The following TACC2 variants were observed in gnomAD, a reference collection of about 807,000 sequenced individuals.
TACC2 encodes the protein transforming acidic coiled-coil containing protein 2, also known as transforming acidic coiled-coil-containing protein 2.
A neutral mutation model predicts 227.3 loss-of-function variants in TACC2; 137 were observed. The ratio of observed to expected loss-of-function variants is 0.60; its 90% CI spans 0.52 to 0.69. The LOEUF is 0.69. Among genes scored for constraint, TACC2 ranks in the 30% least tolerant of loss-of-function variants. TACC2 has a pLI of 0.00. For missense variants in TACC2, 3,470 were observed against 3,694.4 expected (o/e 0.94, Z 1.57); for synonymous variants, 1,523 against 1,487.5 (o/e 1.02, Z -0.55).
intron 19 of TACC2, among the ~76,000 whole-genome samples, chr10:122,246,024 G>A (rs1029566064): frequency 1.3e-5 from 2 of 152,064 alleles, no homozygotes; most frequent in Non-Finnish European, 2.9e-5. Context: ...TGCTGGTGGT[G>A]AGCGCTCTAG....
intron 7 of TACC2, among the ~76,000 whole-genome samples, chr10:122,193,901 G>C (rs549564406): frequency 1.3e-5 from 2 of 152,182 alleles, no homozygotes; most frequent in Admixed American, 6.5e-5. Flanking sequence ...AGGGCTGTCT[G>C]TTGGTTCTTC....
At chr10:122,144,259 A>G (rs2091078915) in intron 7 of TACC2, among the ~76,000 whole-genome samples, 1 of 151,870 alleles carries the variant, frequency 6.6e-6, no homozygotes, top group Admixed American at 6.5e-5. Flanking sequence ...CTCAAAATCT[A>G]CTGATTTCAA....
intron 2 of TACC2, among the ~76,000 whole-genome samples, chr10:122,043,946 A>G (rs1049419546): frequency 1.3e-5 from 2 of 152,194 alleles, no homozygotes; most frequent in Non-Finnish European, 2.9e-5. Flanking sequence ...GAGCTCCCAT[A>G]TAGATGCTTC....
At chr10:122,018,559 C>A (rs1015759876) in intron 1 of TACC2, among the ~76,000 whole-genome samples, 1 of 152,146 alleles carries the variant, frequency 6.6e-6, no homozygotes. Context: ...CTTCCCCCAG[C>A]CCCTGACAAC....
At chr10:122,248,599 G>A in intron 19 of TACC2, 44 bp from the exon 20 acceptor site, 1 of 1,610,698 alleles carries the variant, frequency 6.2e-7, no homozygotes, top group East Asian at 2.2e-5. Flanking sequence ...ACCCAGTTTG[G>A]ACTTTCTGGG....
intron 5 of TACC2, among the ~76,000 whole-genome samples, chr10:122,108,462 T>C (rs1161643562): frequency 3.9e-3 from 459 of 118,422 alleles, no homozygotes; most frequent in African/African-American, 0.01. Flanking sequence ...TTTTTTTTTT[T>C]GAGATGGAGT....
chr10:122,230,293 C>T (rs2095711510), intron 15 of TACC2, 58 bp from the exon 16 acceptor site: 2 of 1,424,284 alleles, frequency 1.4e-6, no homozygotes, highest in Non-Finnish European at 2.0e-6. Flanking sequence ...GATGTGGAAA[C>T]CATTGACGTC....
rs201773248 is a variant in TACC2 at position 122,087,019 on chromosome 10, C to G, written c.4519C>G (p.Arg1507Gly). 1.9e-6 allele frequency: 3 copies of G among 1,613,866 alleles called. No homozygotes were observed. The highest frequency in any genetic ancestry group is 2.7e-5 in the African/African-American group (2 of 75,054). ...GGGTCCAGCAGGGCTGACCTGGGAG[C>G]GGAACTTGCCAGGTGCCGGTGTGGG... ...LLGPAGLTWE[R>G]NLPGAGVGKE... The change falls in exon 4 of 23, where the codon CGG becomes GGG. Residue 1507 changes from arginine to glycine, a missense_variant. Transcript: ENST00000369005.
chr10:122,168,222 C>T (rs577277936), intron 7 of TACC2, among the ~76,000 whole-genome samples: 2 of 152,114 alleles, frequency 1.3e-5, no homozygotes, highest in African/African-American at 4.8e-5. Context: ...TTTTTCAAGG[C>T]TTTGTTTCTT....
rs1173681722 is a variant in TACC2 at position 122,050,462 on chromosome 10, A to G, written c.58A>G (p.Arg20Gly). 4 of 1,613,984 alleles carry G rather than the reference A, an allele frequency of 2.5e-6. No individual in the cohort carries two copies. Among genetic ancestry groups the G allele is most frequent in the South Asian group, 2.2e-5 (2 of 91,056 alleles). Residue 20 changes from arginine (R) to glycine (G), a missense_variant, in exon 3 of 23, where the codon AGG becomes GGG. Transcript: ENST00000369005. The surrounding 1 kb of genome is among the most constrained non-coding windows in gnomAD (Gnocchi z 4.6). ...GAGGACTTTATCAGCTCAGACTCCAAGGTCCGCGCAGCCACCCGGGAACAG... is the reference window on the plus strand; with the variant it reads ...GAGGACTTTATCAGCTCAGACTCCAGGGTCCGCGCAGCCACCCGGGAACAG... Reference protein sequence around the residue: ...NQRTLSAQTPRSAQPPGNSQN... With the variant: ...NQRTLSAQTPGSAQPPGNSQN...
intron 7 of TACC2, among the ~76,000 whole-genome samples, chr10:122,186,806 C>A (rs1401385570): frequency 2.0e-5 from 3 of 152,216 alleles, no homozygotes; most frequent in Admixed American, 1.3e-4. Flanking sequence ...TGACACCGCC[C>A]CCGGCCAAAC....
chr10:122,009,909 A>G (rs1350761239), intron 1 of TACC2, among the ~76,000 whole-genome samples: 1 of 152,174 alleles, frequency 6.6e-6, no homozygotes, highest in African/African-American at 2.4e-5. Context: ...CTGGTGACAG[A>G]GTGAGACTCT....
intron 6 of TACC2, 56 bp from the exon 7 acceptor site, chr10:122,143,516 A>G: frequency 6.3e-7 from 1 of 1,581,052 alleles, no homozygotes; most frequent in Middle Eastern, 1.8e-4. Flanking sequence ...GGCCTGATGA[A>G]TGTGCCATTA....
chr10:122,104,930 A>G (rs553227202), intron 5 of TACC2, among the ~76,000 whole-genome samples: 29 of 152,198 alleles, frequency 1.9e-4, no homozygotes, highest in Admixed American at 1.4e-3. Context: ...TCGTTATCTG[A>G]TGATAGACGT....
Position 122,129,028 on chromosome 10 carries a change from G to A in TACC2, c.5574-3581G>A, listed in dbSNP as rs950795246. ...TGTTCAATTAATAATGGACATGTTT[G>A]CATCTAGATACATGAAGATCTATCT... On this transcript the variant is annotated intron_variant, in intron 5 of 22. Coordinates refer to ENST00000369005, the MANE Select transcript of TACC2 (RefSeq NM_206862.4). Among the ~76,000 whole-genome samples, 17 of 149,920 alleles carry A rather than the reference G, an allele frequency of 1.1e-4. No individual in the cohort carries two copies. The South Asian group carries it at 1.7e-3, about 15-fold the overall frequency.
At position 122,227,967 on chromosome 10, in the gene TACC2, G is replaced by A. The variant is rs763416174; in HGVS notation, c.7855G>A (p.Glu2619Lys). The A allele has an allele frequency of 3.7e-6, 6 of 1,614,158 alleles. No homozygotes were observed. The East Asian group carries it at 1.1e-4, about 30-fold the overall frequency. Residue 2619 changes from glutamate to lysine, a missense_variant, in exon 14 of 23, where the codon GAG (glutamate) becomes AAG (lysine). Coordinates refer to ENST00000369005, the MANE Select transcript of TACC2 (RefSeq NM_206862.4). ...AGAGAAATCCTCCCAGAAGGAGCTGGAGGCCATGGGCTTGGGCACCCCTTC... is the reference window on the plus strand; with the variant it reads ...AGAGAAATCCTCCCAGAAGGAGCTGAAGGCCATGGGCTTGGGCACCCCTTC... ...VPEKSSQKEL[E>K]AMGLGTPSEA...
At chr10:122,034,927 C>CAA (rs66566854) in intron 2 of TACC2, among the ~76,000 whole-genome samples, 7 of 116,188 alleles carry the variant, frequency 6.0e-5, no homozygotes, top group African/African-American at 9.7e-5. Context: ...GACTCCATCT[C>CAA]AAAAAAAAAA....
chr10:122,121,600 A>T (rs918330760), intron 5 of TACC2, among the ~76,000 whole-genome samples: 2 of 152,204 alleles, frequency 1.3e-5, no homozygotes, highest in East Asian at 1.9e-4. Context: ...GACTTTAAAA[A>T]ATTTGGCTTC....
intron 1 of TACC2, among the ~76,000 whole-genome samples, chr10:122,002,994 G>A (rs755459437): frequency 1.2e-4 from 18 of 152,068 alleles, no homozygotes; most frequent in Middle Eastern, 3.2e-3. Context: ...CCTGAGGTCG[G>A]GAGTTTGAAA....
Sources: allele counts gnomAD v4.1 joint callset (sites outside exome capture counted in the v4.1 genomes callset), GRCh38; gene constraint gnomAD v4.1.1; non-coding constraint Gnocchi (gnomAD v3.1); transcripts MANE v1.5; gene names NCBI Gene and HGNC (gene_info 2026-07-23, HGNC 2026-07-21).